The following ATP6V1E1 variants were observed in gnomAD, a reference collection of about 807,000 sequenced individuals.
ATP6V1E1 encodes V-type proton ATPase subunit E 1.
Under a neutral mutation model 35.2 loss-of-function variants are expected in ATP6V1E1, and 21 were observed. That is an observed-to-expected ratio of 0.60 (90% confidence interval 0.42 to 0.86). ATP6V1E1 has a LOEUF of 0.86. Among genes scored for constraint, ATP6V1E1 ranks in the 40% least tolerant of loss-of-function variants. The pLI, the probability that ATP6V1E1 is intolerant of heterozygous loss-of-function variation, is 0.00. For synonymous variants in ATP6V1E1, 83 were observed against 87.8 expected (o/e 0.95, Z 0.30); for missense variants, 183 against 272.6 (o/e 0.67, Z 2.32).
At chr22:17,604,055 CTAAA>C in intron 4 of ATP6V1E1, among the ~76,000 whole-genome samples, 1 of 152,288 alleles carries the variant, frequency 6.6e-6, no homozygotes, top group East Asian at 1.9e-4. Flanking sequence ...TTCGTTGAGT[CTAAA>C]TAAACTAAAC....
At chr22:17,606,969 T>A (rs1034462032) in intron 4 of ATP6V1E1, among the ~76,000 whole-genome samples, 2 of 152,144 alleles carry the variant, frequency 1.3e-5, no homozygotes, top group Non-Finnish European at 2.9e-5. Flanking sequence ...ATCTGATGCT[T>A]CTCAGTTTTT....
intron 1 of ATP6V1E1, among the ~76,000 whole-genome samples, chr22:17,620,211 G>C (rs971651176): frequency 6.7e-6 from 1 of 148,682 alleles, no homozygotes; most frequent in African/African-American, 2.5e-5. Flanking sequence ...GCAGTGGCAT[G>C]ATCTCGGCTC....
chr22:17,620,116 A>G (rs1369845023), intron 1 of ATP6V1E1, among the ~76,000 whole-genome samples: 1 of 150,118 alleles, frequency 6.7e-6, no homozygotes, highest in Non-Finnish European at 1.5e-5. Flanking sequence ...TTGATCTTTC[A>G]GCATCAGTTG....
At chr22:17,627,183 G>A (rs1243632791) in intron 1 of ATP6V1E1, among the ~76,000 whole-genome samples, 2 of 150,736 alleles carry the variant, frequency 1.3e-5, no homozygotes, top group African/African-American at 4.9e-5. Context: ...TTTTTGAGAG[G>A]GAGTCTCGCT....
chr22:17,614,657 A>T (rs2057833218), intron 2 of ATP6V1E1, among the ~76,000 whole-genome samples: 1 of 145,720 alleles, frequency 6.9e-6, no homozygotes, highest in Non-Finnish European at 1.5e-5. Context: ...GGGCAACAAA[A>T]GCGAACTCTT....
At position 17,596,485 on chromosome 22, in the gene ATP6V1E1, T is replaced by C. The variant is rs557631632; in HGVS notation, c.530+1709A>G. The stretch of plus-strand genomic sequence containing the variant: ...TCTCTATGCACACACCCACTCCCCT[T>C]CCACCTTCTGCCATGAGTGGAAGCA... On this transcript the variant is annotated intron_variant, in intron 7 of 8. Transcript: ENST00000253413. Among the ~76,000 whole-genome samples, 8 of 152,066 alleles carry C rather than the reference T, an allele frequency of 5.3e-5. No homozygotes were observed. The South Asian group carries it at 1.7e-3, about 32-fold the overall frequency.
rs1177535276 is a variant in ATP6V1E1 at position 17,616,925 on chromosome 22, G to A, written c.99+2536C>T. On this transcript the variant is annotated intron_variant, in intron 2 of 8. Coordinates refer to ENST00000253413, the MANE Select transcript of ATP6V1E1 (RefSeq NM_001696.4). Reference sequence around the variant, plus strand: ...TAGCCGGGTGTAGTGGCGGGCGCCTGTAGTCCCAGCTACTTGGGAGGCTGA... The same window carrying A: ...TAGCCGGGTGTAGTGGCGGGCGCCTATAGTCCCAGCTACTTGGGAGGCTGA... Among the ~76,000 whole-genome samples the A allele has an allele frequency of 3.5e-5, 4 of 112,982 alleles. 2 individuals are homozygous for A. The highest frequency in any genetic ancestry group is 7.5e-5 in the Non-Finnish European group (4 of 53,068). 74.1% of individuals were successfully genotyped at this position (112,982 alleles called of 152,430 possible). A position where few individuals can be genotyped will look rare whatever the true frequency, so the allele number is the denominator to read the frequency against.
chr22:17,593,077 CA>C (rs2057713327), intron 8 of ATP6V1E1, among the ~76,000 whole-genome samples: 2 of 152,164 alleles, frequency 1.3e-5, no homozygotes, highest in South Asian at 4.1e-4. Context: ...CGTGAGCCAC[CA>C]AGCCTGGCCA....
chr22:17,608,954 C>T (rs2057799681), intron 4 of ATP6V1E1, among the ~76,000 whole-genome samples: 2 of 151,818 alleles, frequency 1.3e-5, no homozygotes, highest in Admixed American at 6.6e-5. Context: ...GGCGCAGTGG[C>T]GGGCGTCTGT....
chr22:17,594,685 TC>T, intron 7 of ATP6V1E1, 69 bp from the exon 8 acceptor site: 1 of 1,297,956 alleles, frequency 7.7e-7, no homozygotes. Context: ...TACCCTTTAC[TC>T]CCGCAGAGGA....
chr22:17,611,294 C>T (rs2057814349), intron 4 of ATP6V1E1, among the ~76,000 whole-genome samples: 1 of 152,200 alleles, frequency 6.6e-6, no homozygotes, highest in Admixed American at 6.5e-5. Context: ...CCCCAGGAAA[C>T]TCTTGACTCT....
At chr22:17,592,930 G>A (rs1472713186) in intron 8 of ATP6V1E1, among the ~76,000 whole-genome samples, 194 bp from the exon 9 acceptor site, 1 of 151,912 alleles carries the variant, frequency 6.6e-6, no homozygotes, top group Non-Finnish European at 1.5e-5. Context: ...TGGGACTACA[G>A]GTGCTTGCCA....
At chr22:17,608,276 C>A (rs867949209) in intron 4 of ATP6V1E1, among the ~76,000 whole-genome samples, 14 of 152,266 alleles carry the variant, frequency 9.2e-5, no homozygotes, top group Middle Eastern at 3.4e-3. Flanking sequence ...AGTACCAAAA[C>A]CAGAATTTTG....
rs1434442284 is a variant in ATP6V1E1, at chr22:17,592,632, T to A, written c.*42A>T. The A allele has an allele frequency of 1.3e-6, 2 of 1,585,934 alleles. No homozygotes were observed. The highest frequency in any genetic ancestry group is 1.7e-6 in the Non-Finnish European group (2 of 1,154,612). The stretch of plus-strand genomic sequence containing the variant: ...TCTTCAAATATCAGAAGCTTCCACA[T>A]CACAGCAGGAGAGCTGACGACGAGC... On this transcript the variant is annotated 3_prime_UTR_variant, in exon 9 of 9. Transcript: ENST00000253413.
chr22:17,627,563 A>C (rs568710502), intron 1 of ATP6V1E1, among the ~76,000 whole-genome samples: 1 of 151,878 alleles, frequency 6.6e-6, no homozygotes, highest in East Asian at 2.0e-4. Context: ...TCATGCCTGT[A>C]ATCCCAGCAC....
chr22:17,617,748 G>A (rs1475844639), intron 2 of ATP6V1E1, among the ~76,000 whole-genome samples: 6 of 152,146 alleles, frequency 3.9e-5, no homozygotes, highest in Non-Finnish European at 7.3e-5. Flanking sequence ...CTGATGGAAG[G>A]TCACCTTTGT....
In ATP6V1E1 at chr22:17,625,248, G is replaced by A. The variant is rs1054548813; in HGVS notation, c.33+3355C>T. Reference sequence around the variant, plus strand: ...AATAAAATGAAAAGACACTTTCAAGGAAATGGAAACATCCAACGAAAAACT... The same window carrying A: ...AATAAAATGAAAAGACACTTTCAAGAAAATGGAAACATCCAACGAAAAACT... On this transcript the variant is annotated intron_variant, in intron 1 of 8. Transcript: ENST00000253413. 6.6e-5 allele frequency among the ~76,000 whole-genome samples: 10 copies of A among 152,094 alleles called. 1 individual carries two copies. The highest frequency in any genetic ancestry group is 3.9e-4 in the Admixed American group (6 of 15,250).
intron 4 of ATP6V1E1, among the ~76,000 whole-genome samples, chr22:17,608,140 A>G (rs1473107216): frequency 1.3e-5 from 2 of 152,158 alleles, no homozygotes. Flanking sequence ...AGACTCCTAG[A>G]GGGGCCAGCA....
At chr22:17,610,528 A>AC (rs2057810189) in intron 4 of ATP6V1E1, among the ~76,000 whole-genome samples, 1 of 152,240 alleles carries the variant, frequency 6.6e-6, no homozygotes, top group East Asian at 1.9e-4. Flanking sequence ...AACAAACCAA[A>AC]TAAAAAACCT....
Sources: gnomAD v4.1 joint callset for allele counts (sites outside exome capture counted in the v4.1 genomes callset) on GRCh38, gnomAD v4.1.1 for gene constraint, MANE v1.5 for transcripts, NCBI Gene and HGNC (gene_info 2026-07-23, HGNC 2026-07-21) for gene names.